The following AP3B2 variants were observed in gnomAD, a reference collection of about 807,000 sequenced individuals.
AP3B2 encodes adaptor related protein complex 3 subunit beta 2.
In AP3B2, 50 loss-of-function variants were observed where a neutral mutation model predicts 126.9. That is an observed-to-expected ratio of 0.39 (90% confidence interval 0.31 to 0.50). The LOEUF (loss-of-function observed/expected upper bound fraction) is 0.50. Among genes scored for constraint, AP3B2 ranks in the 20% least tolerant of loss-of-function variants. AP3B2 has a pLI of 0.79. For synonymous variants in AP3B2, 541 were observed against 565.0 expected (o/e 0.96, Z 0.60); for missense variants, 1,177 against 1,426.4 (o/e 0.83, Z 2.82).
At chr15:82,687,193 A>G (rs928483818) in intron 4 of AP3B2, 12 of 152,224 alleles carry the variant, frequency 7.9e-5, no homozygotes, top group African/African-American at 2.9e-4. Flanking sequence ...AAAGGCTGGC[A>G]TGCTACAGCC....
At chr15:82,694,511 C>A (rs564120551) in intron 1 of AP3B2, among the ~76,000 whole-genome samples, 22 of 151,766 alleles carry the variant, frequency 1.4e-4, no homozygotes, top group Non-Finnish European at 2.8e-4. Flanking sequence ...ATAGTCAGAT[C>A]CTGTTTCTAC....
At chr15:82,695,069 A>C (rs1264866983) in intron 1 of AP3B2, among the ~76,000 whole-genome samples, 1 of 149,468 alleles carries the variant, frequency 6.7e-6, no homozygotes, top group Non-Finnish European at 1.5e-5. Flanking sequence ...TTGTTATCAG[A>C]TGGTTGGAAC....
intron 1 of AP3B2, chr15:82,689,700 C>A: frequency 1.9e-6 from 1 of 522,974 alleles, no homozygotes; most frequent in East Asian, 3.2e-5. Context: ...CCTAGTACCT[C>A]AGAATGTAAC....
intron 14 of AP3B2, among the ~76,000 whole-genome samples, chr15:82,673,553 A>C (rs1053019562): frequency 1.3e-5 from 2 of 152,190 alleles, no homozygotes; most frequent in African/African-American, 4.8e-5. Flanking sequence ...TGAAATGTGA[A>C]TGGGGAAAAA....
chr15:82,664,916 G>T lies in AP3B2; in HGVS notation c.2056C>A (p.Arg686=), dbSNP rs1033207460. The T allele has an allele frequency of 6.8e-6, 11 of 1,608,500 alleles. No homozygotes were observed. The highest frequency in any genetic ancestry group is 8.5e-6 in the Non-Finnish European group (10 of 1,177,594). ...TTTTCCTTCTCCTTTCTCTTCTCCC[G>T]ATTTGAGCACTTGGTCCATTCAGGT... ...EVPEWTKCSN[R]EKRKEKEKPF... Residue 686 remains arginine (R), a synonymous_variant, in exon 18 of 27, where the codon CGG becomes AGG. Coordinates refer to ENST00000535359, the MANE Select transcript of AP3B2 (RefSeq NM_001278512.2). This position sits in a 1 kb window ranked among gnomAD's most constrained non-coding sequence, Gnocchi z 4.5.
intron 1 of AP3B2, chr15:82,699,606 T>A: frequency 2.5e-6 from 1 of 399,848 alleles, no homozygotes; most frequent in Non-Finnish European, 4.4e-6. Context: ...GCTGTGTGGG[T>A]AGGGGGTTCC....
chr15:82,659,595 G>A lies in AP3B2; in HGVS notation c.3271C>T (p.Leu1091=). 6.2e-7 allele frequency: 1 copy of A among 1,613,944 alleles called. No individual in the cohort carries two copies. Residue 1091 remains leucine, a synonymous_variant, in exon 27 of 27, where the codon CTG becomes TTG. Transcript: ENST00000535359. ...AGAGCCTGTATCACATCCTTTACCAGCATGGTGCCAATCACCATTTTCTCG... is the reference window on the plus strand; with the variant it reads ...AGAGCCTGTATCACATCCTTTACCAACATGGTGCCAATCACCATTTTCTCG... ...NSEKMVIGTM[L]VKDVIQALTQ
chr15:82,709,245 G>A (rs574584761), intron 1 of AP3B2, among the ~76,000 whole-genome samples: 1 of 152,234 alleles, frequency 6.6e-6, no homozygotes, highest in East Asian at 1.9e-4. Flanking sequence ...CACATTTTTG[G>A]GAAGCCAACC....
In AP3B2 at chr15:82,665,419, ACACACACACACACAC is replaced by A. The variant is rs751112651; in HGVS notation, c.1971+23_1971+37del. 7.2e-6 allele frequency: 5 copies of A among 689,832 alleles called. No individual in the cohort carries two copies. The South Asian group carries it at 9.0e-5, about 12-fold the overall frequency. The allele number at this position is 689,832 out of a possible 1,614,324, so 42.7% of individuals were successfully genotyped here. ...CACACACACACACACACACACACAC[ACACACACACACACAC>A]TTCAACCCTCCACCCCGCTGACCTC... On this transcript the variant is annotated intron_variant, in intron 16 of 26. Transcript: ENST00000535359. The surrounding 1 kb of genome is among the most constrained non-coding windows in gnomAD (Gnocchi z 4.4).
In AP3B2 at chr15:82,663,819, G is replaced by T. The variant is rs781219374; in HGVS notation, c.2418C>A (p.Ala806=). The part of the protein sequence containing the change: ...SESEEEQLEP[A]SWSRKTPPSS... ...CTCTCACTGTTTTCCTGCTCCAGGA[G>T]GCAGGTTCTAACTGCTCCTCCTCGG... is the stretch of plus-strand genomic sequence containing the variant. The change falls in exon 20 of 27, where the codon GCC becomes GCA. Residue 806 remains alanine, a synonymous_variant. Transcript: ENST00000535359. The T allele has an allele frequency of 1.2e-6, 2 of 1,613,378 alleles. No homozygotes were observed. The highest frequency in any genetic ancestry group is 8.5e-7 in the Non-Finnish European group (1 of 1,179,556).
intron 13 of AP3B2, 27 bp from the exon 14 acceptor site, chr15:82,676,664 T>A (rs1197516061): frequency 6.2e-7 from 1 of 1,611,634 alleles, no homozygotes; most frequent in Admixed American, 1.7e-5. Context: ...GGAGTGAAGA[T>A]GGGTAAATAC....
rs755486583 is a variant in AP3B2, at chr15:82,681,605, C to A, written c.361-25G>T. 4.4e-6 allele frequency: 7 copies of A among 1,606,956 alleles called. No homozygotes were observed. In the Admixed American group the frequency reaches 1.2e-4, roughly 27 times the overall value. ...CCTAAAGGCAGAGGTGGAGGCAGAG[C>A]TATGAAAGGGCACCAGGTGCCCTGA... On this transcript the variant is annotated intron_variant, in intron 4 of 26. Transcript: ENST00000535359. This position sits in a 1 kb window ranked among gnomAD's most constrained non-coding sequence, Gnocchi z 4.0.
intron 12 of AP3B2, 32 bp from the exon 13 acceptor site, chr15:82,677,415 A>G (rs777039196): frequency 6.3e-7 from 1 of 1,591,256 alleles, no homozygotes; most frequent in Admixed American, 1.7e-5. Flanking sequence ...GTGGACCCCA[A>G]GACAGTCAGA....
intron 1 of AP3B2, among the ~76,000 whole-genome samples, chr15:82,698,846 T>A (rs2048670579): frequency 6.6e-6 from 1 of 152,066 alleles, no homozygotes; most frequent in Non-Finnish European, 1.5e-5. Context: ...TCCAGGCCCC[T>A]GCAGGAGAAG....
chr15:82,669,548 T>C (rs545658654), intron 14 of AP3B2, among the ~76,000 whole-genome samples: 1 of 151,784 alleles, frequency 6.6e-6, no homozygotes, highest in East Asian at 1.9e-4. Context: ...AAAAATTAGC[T>C]GGATGTGGTG....
At position 82,663,197 on chromosome 15, in the gene AP3B2, G is replaced by T. The variant is rs200148581; in HGVS notation, c.2534C>A (p.Ala845Glu). The T allele has an allele frequency of 6.2e-6, 10 of 1,613,154 alleles. No individual in the cohort carries two copies. The highest frequency in any genetic ancestry group is 2.2e-5 in the East Asian group (1 of 44,870). The change falls in exon 22 of 27, where the codon GCA becomes GAA. Residue 845 changes from alanine to glutamate, a missense_variant. Physicochemically the swap from Ala to Glu is moderately radical, Grantham distance 107. Transcript: ENST00000535359. ...AGCAGCCAGACTGGTAGACACAATT[G>T]CTGGGGGAGACACAGGCTGGACACT... ...PPSVQPVSPP[A>E]IVSTSLAADL...
Position 82,680,059 on chromosome 15 carries a change from C to T in AP3B2, c.1110+116G>A. 2 of 1,420,058 alleles carry T rather than the reference C, an allele frequency of 1.4e-6. No homozygotes were observed. Among genetic ancestry groups the T allele is most frequent in the Non-Finnish European group, 1.9e-6 (2 of 1,038,198 alleles). The allele number at this position is 1,420,058 out of a possible 1,614,324, so 88.0% of individuals were successfully genotyped here. ...CTCCCCTGCCCCATCCTCTGCACAG[C>T]CAGGGTATTCCTCCATCTTCCCTTT... On this transcript the variant is annotated intron_variant, in intron 9 of 26. Coordinates refer to ENST00000535359, the MANE Select transcript of AP3B2 (RefSeq NM_001278512.2). This position sits in a 1 kb window ranked among gnomAD's most constrained non-coding sequence, Gnocchi z 6.1.
At position 82,661,838 on chromosome 15, in the gene AP3B2, A is replaced by G. The variant is rs916471184; in HGVS notation, c.3003T>C (p.Phe1001=). The change falls in exon 25 of 27, where the codon TTT becomes TTC. Residue 1001 remains phenylalanine (F), a synonymous_variant. Transcript: ENST00000535359. ...GGGAGCACTCACCCTGTTCCTTCTT[A>G]AACTCATTTTCACTCATGAACACAG... ...MAPVFMSENE[F]KKEQGKLMGM... The G allele has an allele frequency of 6.2e-7, 1 of 1,613,132 alleles. No homozygotes were observed.
chr15:82,662,030 G>C, intron 24 of AP3B2, 108 bp from the exon 25 acceptor site: 2 of 1,323,416 alleles, frequency 1.5e-6, no homozygotes, highest in Non-Finnish European at 2.1e-6. Flanking sequence ...GTGAGGTCAG[G>C]AATGAGGGCC....
Sources: gnomAD v4.1 joint callset for allele counts (sites outside exome capture counted in the v4.1 genomes callset) on GRCh38, gnomAD v4.1.1 for gene constraint, Gnocchi (gnomAD v3.1) non-coding constraint, MANE v1.5 for transcripts, NCBI Gene and HGNC (gene_info 2026-07-23, HGNC 2026-07-21) for gene names.